Variants in SPEF2 observed in about 807,000 individuals in gnomAD.
The protein encoded by SPEF2 is sperm flagellar and cilia associated 2, also known as sperm flagella and cilia-associated protein 2.
SPEF2 carries 187 observed loss-of-function variants against 224.6 expected under a neutral mutation model. The observed-to-expected ratio is 0.83, with a 90% CI of 0.74 to 0.94. SPEF2 has a LOEUF of 0.94. SPEF2 is among the 40% of genes least tolerant of loss of function. The pLI is 0.00. For synonymous variants in SPEF2, 715 were observed against 707.3 expected (o/e 1.01, Z -0.17); for missense variants, 2,170 against 2,135.6 (o/e 1.02, Z -0.32).
At chr5:35,659,305 A>G (rs1561148896) in intron 8 of SPEF2, 98 bp downstream of exon 8, 1 of 1,237,774 alleles carries the variant, frequency 8.1e-7, no homozygotes, top group East Asian at 2.5e-5. Context: ...CAATCATCTA[A>G]TAAGATTTTC....
rs183985710 is a variant in SPEF2, at chr5:35,643,127, G to A, written c.415-1228G>A. 3.5e-3 allele frequency among the ~76,000 whole-genome samples: 529 copies of A among 152,292 alleles called. 3 individuals carry two copies. Among genetic ancestry groups the A allele is most frequent in the Admixed American group, 4.9e-3 (75 of 15,296 alleles). On this transcript the variant is annotated intron_variant, in intron 3 of 36. Transcript: ENST00000356031. ...TTTATATATAATAAAATGTAAAGCAGTCAACAGTGGCAAGTGCTATAAGAG... is the reference window on the plus strand; with the variant it reads ...TTTATATATAATAAAATGTAAAGCAATCAACAGTGGCAAGTGCTATAAGAG...
intron 16 of SPEF2, among the ~76,000 whole-genome samples, chr5:35,701,766 C>T (rs1374516635): frequency 6.6e-6 from 1 of 152,068 alleles, no homozygotes; most frequent in East Asian, 1.9e-4. Context: ...AATACTCGAG[C>T]CCAGGAGTTT....
At chr5:35,658,884 G>A (rs750593301) in intron 7 of SPEF2, 135 bp from the exon 8 acceptor site, 49 of 640,602 alleles carry the variant, frequency 7.6e-5, no homozygotes, top group Middle Eastern at 4.9e-4. Context: ...TTTTTGCCAT[G>A]TTCAAATTAA....
intron 26 of SPEF2, among the ~76,000 whole-genome samples, chr5:35,771,189 A>G (rs542761249): frequency 6.6e-6 from 1 of 152,198 alleles, no homozygotes; most frequent in Non-Finnish European, 1.5e-5. Flanking sequence ...GGGATCAGTT[A>G]TCAAAAAAGG....
At position 35,709,379 on chromosome 5, in the gene SPEF2, C is replaced by T. The variant is rs369074271; in HGVS notation, c.2839+258C>T. ...CTACTGATTAGAGTAAGACCACAGA[C>T]GAGAAGAGGAAAAGGCACAGAGTAA... is the stretch of plus-strand genomic sequence containing the variant. On this transcript the variant is annotated intron_variant, in intron 19 of 36. Coordinates refer to ENST00000356031, the MANE Select transcript of SPEF2 (RefSeq NM_024867.4). The T allele has an allele frequency of 2.7e-3, 3,289 of 1,229,648 alleles. 156 individuals carry two copies. In the South Asian group the frequency reaches 0.07, roughly 26 times the overall value. 76.2% of individuals were successfully genotyped at this position (1,229,648 alleles called of 1,614,324 possible).
chr5:35,708,890 T>A lies in SPEF2; in HGVS notation c.2666-58T>A. 5 of 1,426,698 alleles carry A rather than the reference T, an allele frequency of 3.5e-6. 1 individual carries two copies. The South Asian group carries it at 5.1e-5, about 15-fold the overall frequency. The allele number at this position is 1,426,698 out of a possible 1,614,324, so 88.4% of individuals were successfully genotyped here. ...TAATTTAGATTTCTCTTAGTTCAAGTGAAATAGTAGATTTCTAGAGTCTCT... is the reference window on the plus strand; with the variant it reads ...TAATTTAGATTTCTCTTAGTTCAAGAGAAATAGTAGATTTCTAGAGTCTCT... On this transcript the variant is annotated intron_variant, in intron 18 of 36. Transcript: ENST00000356031.
At chr5:35,631,825 G>C (rs1745177037) in intron 2 of SPEF2, among the ~76,000 whole-genome samples, 1 of 152,188 alleles carries the variant, frequency 6.6e-6, no homozygotes, top group Non-Finnish European at 1.5e-5. Context: ...GTCACAAACT[G>C]AGTACTACGT....
rs547420035 is a variant in SPEF2, at chr5:35,745,810, C to T, written c.3330+5543C>T. Among the ~76,000 whole-genome samples, 275 of 152,338 alleles carry T rather than the reference C, an allele frequency of 1.8e-3. 1 individual carries two copies. The highest frequency in any genetic ancestry group is 6.3e-3 in the African/African-American group (264 of 41,580). The stretch of plus-strand genomic sequence containing the variant: ...CCAGCCCACCGCTGGTCCCTCTCCA[C>T]GCTACTACAGCTGATGCTCTCTGGA... On this transcript the variant is annotated intron_variant, in intron 23 of 36. Coordinates refer to ENST00000356031, the MANE Select transcript of SPEF2 (RefSeq NM_024867.4).
chr5:35,770,079 G>A (rs866901629), intron 26 of SPEF2, among the ~76,000 whole-genome samples: 1 of 149,514 alleles, frequency 6.7e-6, no homozygotes, highest in South Asian at 2.1e-4. Context: ...ATTCTTTCCT[G>A]GGTTCTCATT....
chr5:35,649,501 T>A, intron 6 of SPEF2, 76 bp downstream of exon 6: 1 of 1,154,996 alleles, frequency 8.7e-7, no homozygotes, highest in Non-Finnish European at 1.2e-6. Flanking sequence ...TTAGAAATAG[T>A]TTATCTGGAA....
In SPEF2 at chr5:35,648,992, C is replaced by T. The variant is rs530651102; in HGVS notation, c.727-369C>T. On this transcript the variant is annotated intron_variant, in intron 5 of 36. Transcript: ENST00000356031. The stretch of plus-strand genomic sequence containing the variant: ...TCGCGCCACTGCATTCCAGCCTGGG[C>T]GACAGAGTGAGACTCCATCTCAAAA... 3.2e-4 allele frequency among the ~76,000 whole-genome samples: 47 copies of T among 144,748 alleles called. 1 individual carries two copies. The South Asian group carries it at 3.9e-3, about 12-fold the overall frequency. The allele number at this position is 144,748 out of a possible 152,430, so 95.0% of individuals were successfully genotyped here. A position where few individuals can be genotyped will look rare whatever the true frequency, so the allele number is the denominator to read the frequency against.
chr5:35,695,839 C>A, intron 14 of SPEF2, 43 bp downstream of exon 14: 1 of 1,447,484 alleles, frequency 6.9e-7, no homozygotes, highest in Non-Finnish European at 9.5e-7. Flanking sequence ...ATATTAAAAC[C>A]TGTCATGATT....
intron 20 of SPEF2, among the ~76,000 whole-genome samples, chr5:35,724,343 G>A (rs373352220): frequency 3.9e-5 from 6 of 151,988 alleles, no homozygotes; most frequent in Admixed American, 2.0e-4. Context: ...TCTTAAGTAC[G>A]AGTCTCTTAA....
At chr5:35,737,214 A>T (rs1413330094) in intron 21 of SPEF2, among the ~76,000 whole-genome samples, 1 of 151,928 alleles carries the variant, frequency 6.6e-6, no homozygotes, top group Non-Finnish European at 1.5e-5. Context: ...TGTCTCTCTT[A>T]TGATTTTTTT....
chr5:35,736,088 C>T (rs993378742), intron 21 of SPEF2, among the ~76,000 whole-genome samples: 8 of 152,142 alleles, frequency 5.3e-5, no homozygotes, highest in Non-Finnish European at 5.9e-5. Context: ...TATTTCTCAA[C>T]GTAAGCTTCA....
At chr5:35,807,672 T>C in intron 36 of SPEF2, 1 of 1,536,106 alleles carries the variant, frequency 6.5e-7, no homozygotes, top group Non-Finnish European at 8.7e-7. Context: ...AATGATAGTG[T>C]GTGCAAAAGG....
chr5:35,793,218 C>T lies in SPEF2; in HGVS notation c.4614C>T (p.Phe1538=). ...VNSEFVDWRK[F]LLVTSMPWPI... is the part of the protein sequence containing the mutation. ...CCGAGTTCGTGGACTGGCGGAAGTT[C>T]CTGTTAGTAACCTCAATGCCTTGGC... The change falls in exon 32 of 37, where the codon TTC becomes TTT. Residue 1538 remains phenylalanine, a synonymous_variant. Transcript: ENST00000356031. 6.2e-7 allele frequency: 1 copy of T among 1,614,130 alleles called. No individual in the cohort carries two copies. Among genetic ancestry groups the T allele is most frequent in the Non-Finnish European group, 8.5e-7 (1 of 1,180,022 alleles).
intron 36 of SPEF2, among the ~76,000 whole-genome samples, chr5:35,814,118 GT>G (rs200320150): frequency 0.013 from 1,991 of 152,192 alleles, 46 homozygotes; most frequent in African/African-American, 0.045. Flanking sequence ...GTGAATACTG[GT>G]TTTTTTGTTC....
At chr5:35,713,537 C>G (rs1357040971) in intron 20 of SPEF2, among the ~76,000 whole-genome samples, 1 of 151,268 alleles carries the variant, frequency 6.6e-6, no homozygotes, top group Admixed American at 6.6e-5. Flanking sequence ...CGATCAAGAC[C>G]ATCCTGGCCA....
Sources: gnomAD v4.1 joint callset for allele counts (sites outside exome capture counted in the v4.1 genomes callset) on GRCh38, gnomAD v4.1.1 for gene constraint, MANE v1.5 for transcripts, NCBI Gene and HGNC (gene_info 2026-07-23, HGNC 2026-07-21) for gene names.